ARHGEF3: variants seen among roughly 807,000 people sequenced by gnomAD.
The protein encoded by ARHGEF3 is Rho guanine nucleotide exchange factor 3, also known as 59.8 kDA protein.
Under a neutral mutation model 63.2 loss-of-function variants are expected in ARHGEF3, and 28 were observed. That is an observed-to-expected ratio of 0.44 (90% CI 0.33 to 0.61). The LOEUF (loss-of-function observed/expected upper bound fraction) is 0.61, where lower values mean the gene tolerates loss of function less well. ARHGEF3 is among the 20% of genes least tolerant of loss of function. The pLI, the probability that ARHGEF3 is intolerant of heterozygous loss-of-function variation, is 0.03. For missense variants in ARHGEF3, 533 were observed against 659.3 expected, an observed-to-expected ratio of 0.81 and a Z score of 2.10; for synonymous variants, 266 against 254.2, an observed-to-expected ratio of 1.05 and a Z score of -0.44.
intron 2 of ARHGEF3, among the ~76,000 whole-genome samples, chr3:56,767,501 T>G (rs532695112): frequency 3.5e-4 from 51 of 147,412 alleles, no homozygotes; most frequent in African/African-American, 1.2e-3. Context: ...GGAGAATGGC[T>G]TGAACCCGGG....
At chr3:57,007,878 G>C (rs1248208934) in intron 2 of ARHGEF3, among the ~76,000 whole-genome samples, 6 of 152,204 alleles carry the variant, frequency 3.9e-5, no homozygotes, top group Non-Finnish European at 7.3e-5. Context: ...ATTCATTTCT[G>C]AGCCCCTAGG....
At chr3:57,039,543 A>G (rs1704093208) in intron 1 of ARHGEF3, among the ~76,000 whole-genome samples, 1 of 152,170 alleles carries the variant, frequency 6.6e-6, no homozygotes, top group African/African-American at 2.4e-5. Flanking sequence ...TAGTGACTTA[A>G]AACAGCACAA....
At chr3:56,942,431 C>T (rs756733261) in intron 3 of ARHGEF3, among the ~76,000 whole-genome samples, 5 of 152,144 alleles carry the variant, frequency 3.3e-5, no homozygotes, top group South Asian at 4.1e-4. Flanking sequence ...TGGGGTGCCA[C>T]GAACCATCCT....
chr3:57,041,949 C>T (rs564666891), intron 1 of ARHGEF3, among the ~76,000 whole-genome samples: 2 of 152,282 alleles, frequency 1.3e-5, no homozygotes, highest in East Asian at 3.9e-4. Flanking sequence ...AAAAACGAGG[C>T]CACCACCCCC....
chr3:56,888,632 G>T (rs2041004774), intron 3 of ARHGEF3, among the ~76,000 whole-genome samples: 1 of 152,194 alleles, frequency 6.6e-6, no homozygotes, highest in Admixed American at 6.5e-5. Flanking sequence ...GCCAGGCATG[G>T]TGGCTCACGC....
chr3:56,908,606 A>C (rs187402675), intron 3 of ARHGEF3, among the ~76,000 whole-genome samples: 140 of 152,328 alleles, frequency 9.2e-4, no homozygotes, highest in Non-Finnish European at 1.1e-3. Flanking sequence ...ATGATCCATA[A>C]AACTGATACA....
chr3:56,961,870 C>A lies in ARHGEF3; in HGVS notation c.63-2981G>T, dbSNP rs560097226. Among the ~76,000 whole-genome samples the A allele has an allele frequency of 3.3e-5, 5 of 152,262 alleles. No individual in the cohort carries two copies. The South Asian group carries it at 1.0e-3, about 32-fold the overall frequency. On this transcript the variant is annotated intron_variant, in intron 2 of 12. Coordinates refer to the ARHGEF3 transcript ENST00000338458. ...CCAGCCTGGGCAACATAGGGAAACA[C>A]CATCTCCGCTAAAAATAAAAACAAA...
chr3:57,076,962 T>C (rs529303543), intron 1 of ARHGEF3: 19 of 152,042 alleles, frequency 1.2e-4, no homozygotes, highest in African/African-American at 4.3e-4. Context: ...AAGAGTGTGA[T>C]AGAAACTAAT....
At chr3:56,961,068 C>T (rs568204717) in intron 2 of ARHGEF3, among the ~76,000 whole-genome samples, 1 of 152,258 alleles carries the variant, frequency 6.6e-6, no homozygotes, top group Non-Finnish European at 1.5e-5. Flanking sequence ...AACACAGATT[C>T]AATTACAGAT....
At chr3:57,067,173 C>CT (rs1335927922) in intron 1 of ARHGEF3, among the ~76,000 whole-genome samples, 1 of 152,068 alleles carries the variant, frequency 6.6e-6, no homozygotes, top group Non-Finnish European at 1.5e-5. Context: ...ATTTGTCGGC[C>CT]AGGCGCGGTG....
chr3:56,860,186 T>G lies in ARHGEF3; in HGVS notation c.192+22106A>C, dbSNP rs866966052. Among the ~76,000 whole-genome samples the G allele has an allele frequency of 7.2e-5, 11 of 152,298 alleles. 1 individual carries two copies. The Middle Eastern group carries it at 0.027, about 377-fold the overall frequency. On this transcript the variant is annotated intron_variant, in intron 4 of 12. Transcript: ENST00000338458. ...CTTTGTTCATATTTATTTTTTATTT[T>G]TATTTTTTAGAGACAGAGTCTCACT... is the stretch of plus-strand genomic sequence containing the variant.
intron 1 of ARHGEF3, among the ~76,000 whole-genome samples, chr3:57,053,712 G>C (rs1047246729): frequency 1.3e-5 from 2 of 152,190 alleles, no homozygotes; most frequent in Non-Finnish European, 2.9e-5. Flanking sequence ...TAGTGGCATG[G>C]ATTCATTTGC....
intron 8 of ARHGEF3, among the ~76,000 whole-genome samples, chr3:56,733,821 TA>T (rs2033392465): frequency 1.3e-5 from 2 of 151,478 alleles, no homozygotes; most frequent in Non-Finnish European, 2.9e-5. Flanking sequence ...CCATCTCTAC[TA>T]AAAATACAAA....
intron 2 of ARHGEF3, among the ~76,000 whole-genome samples, chr3:56,968,280 TA>T (rs2106826313): frequency 1.5e-4 from 4 of 26,844 alleles, no homozygotes; most frequent in African/African-American, 3.5e-4. Flanking sequence ...ATATATAAAA[TA>T]TATATAATAT....
chr3:57,056,152 C>A (rs913272857), intron 1 of ARHGEF3, among the ~76,000 whole-genome samples: 4 of 152,100 alleles, frequency 2.6e-5, no homozygotes, highest in Non-Finnish European at 5.9e-5. Flanking sequence ...CTTTGGGAGG[C>A]TGAGGTGGGC....
intron 1 of ARHGEF3, among the ~76,000 whole-genome samples, chr3:56,789,322 C>A (rs2036969011): frequency 6.6e-6 from 1 of 152,154 alleles, no homozygotes; most frequent in Non-Finnish European, 1.5e-5. Flanking sequence ...CCCAATCCTT[C>A]CCACCAGAGT....
At chr3:56,856,708 G>GT (rs55803652) in intron 4 of ARHGEF3, among the ~76,000 whole-genome samples, 19 of 138,138 alleles carry the variant, frequency 1.4e-4, no homozygotes, top group Admixed American at 6.9e-4. Context: ...GAGGTTTTTT[G>GT]TTTTTTTTTT....
Position 56,779,493 on chromosome 3 carries a change from T to A in ARHGEF3, c.97-5677A>T, listed in dbSNP as rs6800312. Among the ~76,000 whole-genome samples the A allele has an allele frequency of 4.6e-4, 70 of 152,254 alleles. 2 individuals carry two copies. In the South Asian group the frequency reaches 5.6e-3, roughly 12 times the overall value. On this transcript the variant is annotated intron_variant, in intron 1 of 9. Transcript: ENST00000296315. ...AATAAAAAGTTTTTTTTTATTTTTT[T>A]TTTTTGTTTGTTTTTTTGAGACGGA...
In ARHGEF3 at chr3:56,729,339, G is replaced by A. The variant is rs748383044; in HGVS notation, c.1512C>T (p.Leu504=). 13 of 1,613,892 alleles carry A rather than the reference G, an allele frequency of 8.1e-6. No individual in the cohort carries two copies. Among genetic ancestry groups the A allele is most frequent in the African/African-American group, 1.3e-5 (1 of 74,860 alleles). Reference sequence around the variant, plus strand: ...CTGTCTGTTCCATGCGCTCACAGTCGAGGCTGACCTCACTCGTGTCCATAC... The same window carrying A: ...CTGTCTGTTCCATGCGCTCACAGTCAAGGCTGACCTCACTCGTGTCCATAC... ...DCSMDTSEVS[L]DCERMEQTDS... Residue 504 remains leucine (L), a synonymous_variant, in exon 10 of 10, where the codon CTC becomes CTT. Transcript: ENST00000296315.
Sources: gnomAD v4.1 joint callset for allele counts (sites outside exome capture counted in the v4.1 genomes callset) on GRCh38, gnomAD v4.1.1 for gene constraint, MANE v1.5 for transcripts, NCBI Gene and HGNC (gene_info 2026-07-23, HGNC 2026-07-21) for gene names.